The following PRKD1 variants were observed in gnomAD, a reference collection of about 807,000 sequenced individuals.
The protein encoded by PRKD1 is protein kinase D1, also known as serine/threonine-protein kinase D1.
A neutral mutation model predicts 95.9 loss-of-function variants in PRKD1; 63 were observed. The observed-to-expected ratio is 0.66, with a 90% CI of 0.54 to 0.81. The LOEUF (loss-of-function observed/expected upper bound fraction) is 0.81. PRKD1 is among the 30% of genes least tolerant of loss of function. The probability of loss-of-function intolerance (pLI) is 0.00; values close to 1 mark genes in which losing one functional copy is unlikely to be tolerated. For synonymous variants in PRKD1, 425 were observed against 423.1 expected (o/e 1.00, Z -0.05); for missense variants, 1,048 against 1,165.3 (o/e 0.90, Z 1.47).
At chr14:29,704,163 C>G (rs1279242887) in intron 2 of PRKD1, among the ~76,000 whole-genome samples, 1 of 152,060 alleles carries the variant, frequency 6.6e-6, no homozygotes, top group Non-Finnish European at 1.5e-5. Context: ...GACAGTCATG[C>G]TCCTTGCCAT....
At chr14:29,803,306 C>G (rs1283159043) in intron 1 of PRKD1, among the ~76,000 whole-genome samples, 2 of 152,174 alleles carry the variant, frequency 1.3e-5, no homozygotes, top group Non-Finnish European at 2.9e-5. Flanking sequence ...AAGGTTCATA[C>G]TTAGGAAGGT....
intron 1 of PRKD1, among the ~76,000 whole-genome samples, chr14:29,750,424 T>A (rs952236624): frequency 1.3e-5 from 2 of 152,110 alleles, no homozygotes; most frequent in African/African-American, 4.8e-5. Flanking sequence ...ACACTCCTAA[T>A]ACTAAACATT....
intron 1 of PRKD1, among the ~76,000 whole-genome samples, chr14:29,779,716 G>A (rs1467670487): frequency 6.6e-6 from 1 of 152,054 alleles, no homozygotes; most frequent in East Asian, 1.9e-4. Flanking sequence ...TACTGCCCAA[G>A]GTAATTTATA....
intron 1 of PRKD1, among the ~76,000 whole-genome samples, chr14:29,781,495 C>T (rs1473087726): frequency 6.6e-6 from 1 of 152,174 alleles, no homozygotes; most frequent in East Asian, 1.9e-4. Context: ...GATGAAACTA[C>T]TAAAGTTGCA....
intron 4 of PRKD1, among the ~76,000 whole-genome samples, chr14:29,640,684 T>C (rs1173202616): frequency 1.3e-5 from 2 of 152,216 alleles, no homozygotes; most frequent in Non-Finnish European, 2.9e-5. Context: ...CTAGTAACTG[T>C]AGCCAATGGG....
chr14:29,807,473 T>C (rs1890283559), intron 1 of PRKD1, among the ~76,000 whole-genome samples: 1 of 151,950 alleles, frequency 6.6e-6, no homozygotes, highest in Non-Finnish European at 1.5e-5. Context: ...CTTGGCTCAC[T>C]GCAACCTCTG....
At chr14:29,813,271 A>T (rs1354506903) in intron 1 of PRKD1, among the ~76,000 whole-genome samples, 1 of 152,240 alleles carries the variant, frequency 6.6e-6, no homozygotes, top group African/African-American at 2.4e-5. Flanking sequence ...GCCCAAAATC[A>T]ACTTTAAAAT....
chr14:29,815,484 A>C (rs1261237232), intron 1 of PRKD1, among the ~76,000 whole-genome samples: 1 of 152,210 alleles, frequency 6.6e-6, no homozygotes, highest in East Asian at 1.9e-4. Flanking sequence ...CTCATGAAAA[A>C]ACAAAACAAA....
intron 13 of PRKD1, among the ~76,000 whole-genome samples, chr14:29,607,831 CTGG>C (rs1878114139): frequency 6.6e-6 from 1 of 152,126 alleles, no homozygotes; most frequent in African/African-American, 2.4e-5. Flanking sequence ...AATATATTTA[CTGG>C]TGTCAGAGAT....
chr14:29,588,684 C>T (rs148121249), intron 16 of PRKD1, among the ~76,000 whole-genome samples: 147 of 152,120 alleles, frequency 9.7e-4, no homozygotes, highest in African/African-American at 3.3e-3. Flanking sequence ...GGTTGCATCA[C>T]CATAATCTGA....
chr14:29,626,546 G>GTGCTGA lies in PRKD1; in HGVS notation c.1730_1735dup (p.Ile577_Ser578dup). The GTGCTGA allele has an allele frequency of 6.2e-7, 1 of 1,610,008 alleles. No individual in the cohort carries two copies. The highest frequency in any genetic ancestry group is 8.5e-7 in the Non-Finnish European group (1 of 1,178,116). On this transcript the variant is annotated inframe_insertion, in exon 12 of 18. Coordinates refer to ENST00000331968, the MANE Select transcript of PRKD1 (RefSeq NM_002742.3). ...TTCATCAGGAAAAATCTGATATACT[G>GTGCTGA]TGCTGATGTCCTAGAGGTACAAGCC... is the stretch of plus-strand genomic sequence containing the variant.
intron 1 of PRKD1, among the ~76,000 whole-genome samples, chr14:29,757,136 T>C (rs1296225652): frequency 6.6e-6 from 1 of 152,200 alleles, no homozygotes; most frequent in Non-Finnish European, 1.5e-5. Context: ...TAACACATCA[T>C]ATTGCTAGTA....
At chr14:29,646,435 C>A (rs901425332) in intron 4 of PRKD1, among the ~76,000 whole-genome samples, 2 of 151,930 alleles carry the variant, frequency 1.3e-5, no homozygotes, top group Non-Finnish European at 2.9e-5. Flanking sequence ...TGAATGGATA[C>A]CCCATTTACC....
intron 2 of PRKD1, among the ~76,000 whole-genome samples, chr14:29,669,414 T>C (rs1380230286): frequency 6.6e-6 from 1 of 152,204 alleles, no homozygotes; most frequent in Non-Finnish European, 1.5e-5. Context: ...GCAAAACATT[T>C]TGAAGTTTCT....
intron 13 of PRKD1, among the ~76,000 whole-genome samples, chr14:29,600,932 A>G (rs1308935184): frequency 6.6e-6 from 1 of 152,086 alleles, no homozygotes; most frequent in Non-Finnish European, 1.5e-5. Context: ...AAAAAAAATT[A>G]TATATTCCAC....
At chr14:29,826,742 TACAC>T (rs1277702907) in intron 1 of PRKD1, among the ~76,000 whole-genome samples, 26 of 64,468 alleles carry the variant, frequency 4.0e-4, no homozygotes, top group Non-Finnish European at 5.4e-4. Context: ...CACATATATA[TACAC>T]ATATATATAT....
intron 13 of PRKD1, among the ~76,000 whole-genome samples, chr14:29,618,133 C>T (rs1460715616): frequency 6.6e-6 from 1 of 152,088 alleles, no homozygotes; most frequent in African/African-American, 2.4e-5. Flanking sequence ...GGTCAGTTTT[C>T]TGTGATATCC....
At chr14:29,620,673 AC>A (rs1440709085) in intron 13 of PRKD1, among the ~76,000 whole-genome samples, 1 of 151,914 alleles carries the variant, frequency 6.6e-6, no homozygotes, top group Non-Finnish European at 1.5e-5. Flanking sequence ...AAGTCAGGAA[AC>A]AACAGCTGCT....
chr14:29,662,901 C>T (rs1024161462), intron 4 of PRKD1, among the ~76,000 whole-genome samples: 7 of 151,434 alleles, frequency 4.6e-5, no homozygotes, highest in African/African-American at 7.3e-5. Context: ...TTTAAATCCT[C>T]AAACTATTAG....
Sources: allele counts gnomAD v4.1 joint callset (sites outside exome capture counted in the v4.1 genomes callset), GRCh38; gene constraint gnomAD v4.1.1; transcripts MANE v1.5; gene names NCBI Gene and HGNC (gene_info 2026-07-23, HGNC 2026-07-21).